STRN: variants seen among roughly 807,000 people sequenced by gnomAD.
The protein encoded by STRN is striatin.
STRN carries 53 observed loss-of-function variants against 96.3 expected under a neutral mutation model. The ratio of observed to expected loss-of-function variants is 0.55; its 90% CI spans 0.44 to 0.69. STRN has a LOEUF of 0.69. Ranked by LOEUF, STRN falls within the 30% of genes least tolerant of loss-of-function variation. The pLI is 0.00. For missense variants in STRN, 987 were observed against 963.9 expected (o/e 1.02, Z -0.32); for synonymous variants, 428 against 355.9 (o/e 1.20, Z -2.28).
intron 15 of STRN, among the ~76,000 whole-genome samples, chr2:36,853,398 C>T (rs944330645): frequency 6.6e-6 from 1 of 152,104 alleles, no homozygotes; most frequent in East Asian, 1.9e-4. Flanking sequence ...CTGAGAGAGA[C>T]GTTTCAGAGA....
At chr2:36,856,138 T>C (rs1351209776) in intron 14 of STRN, among the ~76,000 whole-genome samples, 1 of 152,190 alleles carries the variant, frequency 6.6e-6, no homozygotes, top group Non-Finnish European at 1.5e-5. Context: ...TCCACCAGAA[T>C]GGCTAAAGTT....
rs772957401 is a variant in STRN, at chr2:36,883,927, C to T, written c.1186+5G>A. On this transcript the variant is annotated splice_donor_5th_base_variant and intron_variant, in intron 9 of 17. Transcript: ENST00000263918. ...TTTGTGCTCCAGAGTATCTTAAATA[C>T]TTACCTTCATCTGCCCTATTAATTT... 4 of 1,359,840 alleles carry T rather than the reference C, an allele frequency of 2.9e-6. No individual in the cohort carries two copies. In the African/African-American group the frequency reaches 4.5e-5, roughly 15 times the overall value. The allele number at this position is 1,359,840 out of a possible 1,614,324, so 84.2% of individuals were successfully genotyped here.
At chr2:36,928,559 G>A (rs1179309236) in intron 1 of STRN, among the ~76,000 whole-genome samples, 1 of 151,744 alleles carries the variant, frequency 6.6e-6, no homozygotes, top group Non-Finnish European at 1.5e-5. Context: ...GACTGAGACA[G>A]AAGAATCACT....
At chr2:36,880,992 A>T (rs1196426021) in intron 9 of STRN, among the ~76,000 whole-genome samples, 1 of 152,106 alleles carries the variant, frequency 6.6e-6, no homozygotes, top group African/African-American at 2.4e-5. Context: ...GTTCCTAAGG[A>T]GCCTTAGAAC....
In STRN at chr2:36,847,842, A is replaced by C. The variant is rs1668117698; in HGVS notation, c.*1614T>G. On this transcript the variant is annotated 3_prime_UTR_variant, in exon 18 of 18. Transcript: ENST00000263918. ...GAAGCATCATTGTTATGACGATGGAAAATGTGGGGAATGGAATATGTAGAA... is the reference window on the plus strand; with the variant it reads ...GAAGCATCATTGTTATGACGATGGACAATGTGGGGAATGGAATATGTAGAA... 6.6e-6 allele frequency: 1 copy of C among 152,210 alleles called. No individual in the cohort carries two copies. The highest frequency in any genetic ancestry group is 2.4e-5 in the African/African-American group (1 of 41,458). The allele number at this position is 152,210 out of a possible 1,614,324, so 9.4% of individuals were successfully genotyped here. A position where few individuals can be genotyped will look rare whatever the true frequency, so the allele number is the denominator to read the frequency against.
chr2:36,902,408 T>C (rs1366882295), intron 5 of STRN, among the ~76,000 whole-genome samples, 176 bp downstream of exon 5: 2 of 152,302 alleles, frequency 1.3e-5, no homozygotes, highest in African/African-American at 4.8e-5. Flanking sequence ...TGAATTAAAA[T>C]AGTCATAAAT....
At chr2:36,873,002 T>A (rs1288292824) in intron 10 of STRN, among the ~76,000 whole-genome samples, 1 of 152,172 alleles carries the variant, frequency 6.6e-6, no homozygotes, top group African/African-American at 2.4e-5. Flanking sequence ...AGCCGAGTAG[T>A]TTTTCTGACA....
chr2:36,939,539 CTTATTA>C (rs761423690), intron 1 of STRN, among the ~76,000 whole-genome samples: 30 of 151,498 alleles, frequency 2.0e-4, no homozygotes, highest in African/African-American at 4.4e-4. Flanking sequence ...CTATTCTTTC[CTTATTA>C]TTATTATTAT....
intron 1 of STRN, among the ~76,000 whole-genome samples, chr2:36,957,812 G>A (rs1250416228): frequency 8.0e-6 from 1 of 125,022 alleles, no homozygotes. Flanking sequence ...TTGCAGTGGT[G>A]CAATCTCGGC....
At chr2:36,872,894 C>T (rs1668798699) in intron 10 of STRN, among the ~76,000 whole-genome samples, 1 of 152,102 alleles carries the variant, frequency 6.6e-6, no homozygotes, top group Non-Finnish European at 1.5e-5. Flanking sequence ...AAAAACCAGG[C>T]CAAAATCCAG....
intron 3 of STRN, among the ~76,000 whole-genome samples, chr2:36,909,437 G>A (rs1047236396): frequency 6.6e-6 from 1 of 152,048 alleles, no homozygotes; most frequent in African/African-American, 2.4e-5. Context: ...CCGTCCTGCT[G>A]AACCAACTAT....
rs768403346 is a variant in STRN, at chr2:36,886,811, C to T, written c.947G>A (p.Cys316Tyr). The T allele has an allele frequency of 5.0e-6, 8 of 1,612,580 alleles. No individual in the cohort carries two copies. In the Admixed American group the frequency reaches 5.0e-5, roughly 10 times the overall value. Residue 316 changes from cysteine (C) to tyrosine (Y), a missense_variant, in exon 8 of 18, where the codon TGT (cysteine) becomes TAT (tyrosine). Physicochemically the swap from Cys to Tyr is radical, Grantham distance 194. Coordinates refer to ENST00000263918, the MANE Select transcript of STRN (RefSeq NM_003162.4). ...CACATTCCAGGCTTCAGGCATGAGACACTGGTCTTCCTTTTCTAAACAGAG... is the reference window on the plus strand; with the variant it reads ...CACATTCCAGGCTTCAGGCATGAGATACTGGTCTTCCTTTTCTAAACAGAG... ...DGTDWEKEDQ[C>Y]LMPEAWNVDQ...
intron 10 of STRN, among the ~76,000 whole-genome samples, chr2:36,875,131 G>A (rs1668870071): frequency 6.6e-6 from 1 of 152,244 alleles, no homozygotes; most frequent in East Asian, 1.9e-4. Flanking sequence ...AAAGATGTAT[G>A]TGATACTCTC....
chr2:36,960,469 TC>T (rs1421764481), intron 1 of STRN, among the ~76,000 whole-genome samples: 5 of 152,352 alleles, frequency 3.3e-5, no homozygotes, highest in African/African-American at 1.2e-4. Context: ...ATTATGCTTT[TC>T]TCTGGGGATG....
intron 11 of STRN, 87 bp from the exon 12 acceptor site, chr2:36,867,948 C>T: frequency 9.4e-7 from 1 of 1,060,942 alleles, no homozygotes; most frequent in Admixed American, 2.5e-5. Context: ...TTTAAAAATA[C>T]AAACATTATG....
At chr2:36,957,760 T>TG (rs1558670036) in intron 1 of STRN, among the ~76,000 whole-genome samples, 15 of 116,132 alleles carry the variant, frequency 1.3e-4, no homozygotes, top group African/African-American at 4.5e-4. Context: ...TTTTTTTTTT[T>TG]TTTTTTTTTT....
intron 2 of STRN, among the ~76,000 whole-genome samples, chr2:36,919,053 T>TA (rs1033929736): frequency 6.6e-6 from 1 of 152,224 alleles, no homozygotes; most frequent in African/African-American, 2.4e-5. Flanking sequence ...AGCCTATTAT[T>TA]ATACATATTA....
At chr2:36,890,964 C>G (rs1669380639) in intron 7 of STRN, among the ~76,000 whole-genome samples, 1 of 152,138 alleles carries the variant, frequency 6.6e-6, no homozygotes, top group South Asian at 2.1e-4. Flanking sequence ...GTGACTATCC[C>G]TTACCCGAAA....
chr2:36,923,722 C>T (rs1670324980), intron 2 of STRN, among the ~76,000 whole-genome samples: 1 of 151,818 alleles, frequency 6.6e-6, no homozygotes, highest in Admixed American at 6.6e-5. Context: ...TATTTTATTG[C>T]AAATATCCCA....
Sources: allele counts gnomAD v4.1 joint callset (sites outside exome capture counted in the v4.1 genomes callset), GRCh38; gene constraint gnomAD v4.1.1; transcripts MANE v1.5; gene names NCBI Gene and HGNC (gene_info 2026-07-23, HGNC 2026-07-21).